Variants in NCKAP5 observed in about 807,000 individuals in gnomAD.
The protein encoded by NCKAP5 is nck-associated protein 5.
In NCKAP5, 92 loss-of-function variants were observed where a neutral mutation model predicts 167.0. That is an observed-to-expected ratio of 0.55 (90% CI 0.47 to 0.66). The LOEUF (loss-of-function observed/expected upper bound fraction) is 0.66, where lower values mean the gene tolerates loss of function less well. Among genes scored for constraint, NCKAP5 ranks in the 30% least tolerant of loss-of-function variants. The pLI, the probability that NCKAP5 is intolerant of heterozygous loss-of-function variation, is 0.00. For synonymous variants in NCKAP5, 891 were observed against 877.4 expected (o/e 1.02, Z -0.27); for missense variants, 2,378 against 2,315.0 (o/e 1.03, Z -0.56).
intron 9 of NCKAP5, among the ~76,000 whole-genome samples, chr2:132,876,754 C>T (rs537855934): frequency 1.4e-4 from 22 of 152,322 alleles, no homozygotes; most frequent in Middle Eastern, 3.4e-3. Context: ...CAGAGGAACA[C>T]GCCCTCTAAA....
At chr2:132,778,491 G>A (rs915777166) in intron 15 of NCKAP5, among the ~76,000 whole-genome samples, 1 of 152,050 alleles carries the variant, frequency 6.6e-6, no homozygotes, top group African/African-American at 2.4e-5. Flanking sequence ...TACTAAAAAT[G>A]CCTTAGGACT....
At position 132,784,051 on chromosome 2, in the gene NCKAP5, C is replaced by T. The variant is rs200298980; in HGVS notation, c.2760G>A (p.Pro920=). Residue 920 remains proline (P), a synonymous_variant, in exon 14 of 20, where the codon CCG becomes CCA. Coordinates refer to ENST00000409261, the MANE Select transcript of NCKAP5 (RefSeq NM_207363.3). ...PTRDEHCGSG[P]EAGVKSPSPP... ...GGGAAGGGGATTTCACCCCTGCCTC[C>T]GGCCCAGAGCCACAGTGTTCATCCC... 184 of 1,532,304 alleles carry T rather than the reference C, an allele frequency of 1.2e-4. No individual in the cohort carries two copies. The highest frequency in any genetic ancestry group is 1.8e-4 in the Middle Eastern group (1 of 5,650). 94.9% of individuals were successfully genotyped at this position (1,532,304 alleles called of 1,614,324 possible). A position where few individuals can be genotyped will look rare whatever the true frequency, so the allele number is the denominator to read the frequency against.
At chr2:133,317,443 G>T (rs1411500988) in intron 3 of NCKAP5, among the ~76,000 whole-genome samples, 3 of 152,124 alleles carry the variant, frequency 2.0e-5, no homozygotes, top group South Asian at 2.1e-4. Flanking sequence ...TCTCTACTGA[G>T]GATTAGTTTC....
chr2:133,208,274 G>A (rs1048943090), intron 5 of NCKAP5, among the ~76,000 whole-genome samples: 13 of 152,096 alleles, frequency 8.5e-5, no homozygotes, highest in Middle Eastern at 6.3e-3. Flanking sequence ...GGCAGGAGAG[G>A]CTGCAGAGAG....
intron 6 of NCKAP5, among the ~76,000 whole-genome samples, chr2:133,080,505 A>G (rs886479339): frequency 6.6e-6 from 1 of 152,184 alleles, no homozygotes; most frequent in Non-Finnish European, 1.5e-5. Flanking sequence ...CGTTGCTTAC[A>G]TGTTGTCTAC....
At chr2:133,296,485 T>C (rs1679969568) in intron 4 of NCKAP5, among the ~76,000 whole-genome samples, 1 of 152,226 alleles carries the variant, frequency 6.6e-6, no homozygotes, top group African/African-American at 2.4e-5. Context: ...ATTATCTAGT[T>C]GAGCTACTGG....
chr2:133,090,309 G>T (rs2081131309), intron 6 of NCKAP5, among the ~76,000 whole-genome samples: 1 of 152,012 alleles, frequency 6.6e-6, no homozygotes, highest in Non-Finnish European at 1.5e-5. Context: ...GAGATATCTG[G>T]GTAAGCTCTA....
In NCKAP5 at chr2:132,732,038, C is replaced by G. The variant is rs771115871; in HGVS notation, c.5142G>C (p.Gln1714His). ...FQSHIIESNC[Q>H]MRTLDSGIGT... ...CGATCCCACTGTCCAATGTTCTCAT[C>G]TGGCAGTTGGATTCTGAGATAGAGA... Residue 1714 changes from glutamine to histidine, a missense_variant, in exon 17 of 20, where the codon CAG (glutamine) becomes CAC (histidine). Physicochemically the swap from Gln to His is conservative, Grantham distance 24. Coordinates refer to ENST00000409261, the MANE Select transcript of NCKAP5 (RefSeq NM_207363.3). 3.1e-6 allele frequency: 5 copies of G among 1,610,330 alleles called. No homozygotes were observed. In the Middle Eastern group the frequency reaches 5.0e-4, roughly 160 times the overall value.
At chr2:133,483,322 C>A (rs1680623098) in intron 3 of NCKAP5, among the ~76,000 whole-genome samples, 1 of 152,150 alleles carries the variant, frequency 6.6e-6, no homozygotes, top group Admixed American at 6.6e-5. Flanking sequence ...GCAAGTCTAT[C>A]TCACAAGTTA....
intron 4 of NCKAP5, among the ~76,000 whole-genome samples, chr2:133,242,863 A>G (rs1381739887): frequency 1.3e-5 from 2 of 152,198 alleles, no homozygotes; most frequent in African/African-American, 4.8e-5. Context: ...GGCCTACATG[A>G]TAGAGTACTT....
chr2:133,087,035 A>G (rs2081016542), intron 6 of NCKAP5, among the ~76,000 whole-genome samples: 1 of 152,202 alleles, frequency 6.6e-6, no homozygotes, highest in African/African-American at 2.4e-5. Flanking sequence ...GAATTCTCAG[A>G]CACAGAACTT....
intron 5 of NCKAP5, among the ~76,000 whole-genome samples, chr2:133,202,629 A>T (rs1215227176): frequency 1.4e-4 from 21 of 152,192 alleles, no homozygotes; most frequent in Admixed American, 3.3e-4. Context: ...AATTTTTGCA[A>T]TCTACCCATC....
At chr2:132,888,189 C>T (rs937594924) in intron 8 of NCKAP5, among the ~76,000 whole-genome samples, 3 of 152,032 alleles carry the variant, frequency 2.0e-5, no homozygotes, top group Admixed American at 6.6e-5. Context: ...TTTAGATTCA[C>T]TTAGCATCAA....
chr2:133,003,549 G>A (rs763662101), intron 6 of NCKAP5, among the ~76,000 whole-genome samples: 1 of 152,194 alleles, frequency 6.6e-6, no homozygotes, highest in Non-Finnish European at 1.5e-5. Flanking sequence ...TCACTTGGAT[G>A]CTCTTAACCC....
chr2:133,501,664 G>A (rs1046283109), intron 3 of NCKAP5, among the ~76,000 whole-genome samples: 11 of 152,206 alleles, frequency 7.2e-5, no homozygotes, highest in African/African-American at 4.8e-5. Flanking sequence ...TTAGTTAGGT[G>A]TGTATACAAA....
chr2:133,549,622 AAATGCCCAC>A (rs1356921504), intron 2 of NCKAP5, among the ~76,000 whole-genome samples: 1 of 146,340 alleles, frequency 6.8e-6, no homozygotes. Flanking sequence ...TTATAGCACT[AAATGCCCAC>A]AAGAGAAAGC....
intron 6 of NCKAP5, among the ~76,000 whole-genome samples, chr2:133,071,587 A>G (rs1047076178): frequency 2.6e-5 from 4 of 152,238 alleles, no homozygotes; most frequent in African/African-American, 9.6e-5. Context: ...GAGAAAATTC[A>G]TGCAGCTGGG....
chr2:133,338,078 G>C (rs900491789), intron 3 of NCKAP5, among the ~76,000 whole-genome samples: 13 of 151,680 alleles, frequency 8.6e-5, no homozygotes, highest in Admixed American at 1.3e-4. Context: ...AATATTTAAA[G>C]AGCATGATTG....
the NCKAP5 span, among the ~76,000 whole-genome samples, chr2:133,635,273 G>C: frequency 6.6e-6 from 1 of 152,200 alleles, no homozygotes; most frequent in Admixed American, 6.5e-5. Context: ...TAATCATGCA[G>C]TCTATTAGAA....
Sources: gnomAD v4.1 joint callset for allele counts (sites outside exome capture counted in the v4.1 genomes callset) on GRCh38, gnomAD v4.1.1 for gene constraint, MANE v1.5 for transcripts, NCBI Gene and HGNC (gene_info 2026-07-23, HGNC 2026-07-21) for gene names.